The following SGCD variants were observed in gnomAD, a reference collection of about 807,000 sequenced individuals.
The protein encoded by SGCD is delta-sarcoglycan.
Under a neutral mutation model 36.6 loss-of-function variants are expected in SGCD, and 18 were observed. That is an observed-to-expected ratio of 0.49 (90% confidence interval 0.34 to 0.73). The LOEUF is 0.73. Among genes scored for constraint, SGCD ranks in the 30% least tolerant of loss-of-function variants. SGCD has a pLI of 0.01. For missense variants in SGCD, 387 were observed against 346.7 expected (o/e 1.12, Z -0.92); for synonymous variants, 133 against 130.6 (o/e 1.02, Z -0.12).
chr5:156,616,302 G>A (rs770624536), intron 6 of SGCD, among the ~76,000 whole-genome samples: 2 of 152,190 alleles, frequency 1.3e-5, no homozygotes, highest in Non-Finnish European at 2.9e-5. Flanking sequence ...GGATGATATA[G>A]TGTGCTGGTT....
the SGCD span, among the ~76,000 whole-genome samples, chr5:155,864,329 A>G: frequency 6.6e-6 from 1 of 152,134 alleles, no homozygotes; most frequent in Non-Finnish European, 1.5e-5. Flanking sequence ...CCACAAAGAT[A>G]GGGGAATTTT....
chr5:156,163,741 C>T (rs1763140176), intron 3 of SGCD, among the ~76,000 whole-genome samples: 1 of 151,418 alleles, frequency 6.6e-6, no homozygotes, highest in Non-Finnish European at 1.5e-5. Context: ...TCATTTTCGG[C>T]CGGGCGCGGT....
the SGCD span, among the ~76,000 whole-genome samples, chr5:155,796,232 T>G: frequency 4.6e-5 from 7 of 152,172 alleles, no homozygotes; most frequent in African/African-American, 1.7e-4. Flanking sequence ...ACCAAAAGGC[T>G]TCTAGTTTAT....
At chr5:156,242,584 G>A (rs764752925) in intron 3 of SGCD, among the ~76,000 whole-genome samples, 32 of 152,256 alleles carry the variant, frequency 2.1e-4, no homozygotes, top group South Asian at 1.9e-3. Flanking sequence ...TTTCTTTGTG[G>A]GGAAATTAAG....
intron 7 of SGCD, among the ~76,000 whole-genome samples, chr5:156,745,155 C>A (rs1243157670): frequency 6.6e-6 from 1 of 151,990 alleles, no homozygotes; most frequent in Non-Finnish European, 1.5e-5. Flanking sequence ...AAACTGGGAC[C>A]CCCCCAGTTA....
chr5:156,436,039 C>A (rs748500867), intron 3 of SGCD, among the ~76,000 whole-genome samples: 3 of 152,124 alleles, frequency 2.0e-5, no homozygotes, highest in Non-Finnish European at 4.4e-5. Context: ...CCCCTAGCAC[C>A]CAAAGCCTAC....
intron 3 of SGCD, among the ~76,000 whole-genome samples, chr5:156,355,103 C>G (rs1438426907): frequency 1.3e-5 from 2 of 152,232 alleles, no homozygotes; most frequent in African/African-American, 4.8e-5. Context: ...AGAGCAGATA[C>G]AGTTTATTTC....
At chr5:156,724,672 A>C (rs1755684805) in intron 7 of SGCD, among the ~76,000 whole-genome samples, 1 of 152,122 alleles carries the variant, frequency 6.6e-6, no homozygotes, top group African/African-American at 2.4e-5. Flanking sequence ...CTAAAGACTT[A>C]TTATGGTGGT....
intron 3 of SGCD, among the ~76,000 whole-genome samples, chr5:156,438,220 G>C (rs1437923984): frequency 6.6e-6 from 1 of 152,174 alleles, no homozygotes; most frequent in Non-Finnish European, 1.5e-5. Context: ...GCCTCTAAAA[G>C]GAGGTTTGTA....
chr5:156,566,406 T>C (rs1385603916), intron 4 of SGCD, among the ~76,000 whole-genome samples: 1 of 152,174 alleles, frequency 6.6e-6, no homozygotes, highest in East Asian at 1.9e-4. Flanking sequence ...CCCCAGCATG[T>C]CATCAAATCC....
At chr5:156,474,885 A>G (rs1420318387) in intron 3 of SGCD, among the ~76,000 whole-genome samples, 1 of 152,178 alleles carries the variant, frequency 6.6e-6, no homozygotes, top group Non-Finnish European at 1.5e-5. Context: ...TTGGAAATTA[A>G]ATAAACTGCT....
At chr5:156,284,467 A>G (rs556895713) in intron 3 of SGCD, among the ~76,000 whole-genome samples, 1 of 152,324 alleles carries the variant, frequency 6.6e-6, no homozygotes, top group East Asian at 1.9e-4. Context: ...CAAAAAGCTT[A>G]TCCAACATGA....
intron 5 of SGCD, 76 bp from the exon 6 acceptor site, chr5:156,594,856 C>T (rs142204662): frequency 9.2e-5 from 89 of 968,126 alleles, no homozygotes; most frequent in Admixed American, 3.0e-4. Context: ...GTAGTCAAAG[C>T]GATGAGACTA....
At chr5:156,236,103 T>C (rs1765157412) in intron 3 of SGCD, among the ~76,000 whole-genome samples, 2 of 152,200 alleles carry the variant, frequency 1.3e-5, no homozygotes, top group Non-Finnish European at 1.5e-5. Flanking sequence ...AGAAAAGTCT[T>C]ATTTATATTA....
At chr5:156,039,637 T>C (rs889695410) in intron 1 of SGCD, among the ~76,000 whole-genome samples, 2 of 152,196 alleles carry the variant, frequency 1.3e-5, no homozygotes, top group Non-Finnish European at 2.9e-5. Context: ...AAAGCAACAC[T>C]TGGAAATCTA....
intron 3 of SGCD, among the ~76,000 whole-genome samples, chr5:156,217,783 A>G (rs1764610657): frequency 6.6e-6 from 1 of 152,150 alleles, no homozygotes; most frequent in African/African-American, 2.4e-5. Flanking sequence ...AAGAGAGTAG[A>G]TACACAAATA....
At position 156,541,773 on chromosome 5, in the gene SGCD, T is replaced by G. The variant is rs116295476; in HGVS notation, c.294+33071T>G. Among the ~76,000 whole-genome samples the G allele has an allele frequency of 8.7e-3, 1,326 of 152,240 alleles. 8 individuals are homozygous for G. Among genetic ancestry groups the G allele is most frequent in the African/African-American group, 0.03 (1,254 of 41,538 alleles). On this transcript the variant is annotated intron_variant, in intron 4 of 8. Transcript: ENST00000337851. ...AACCCTATAAAGTAAAAATCATGAC[T>G]TGCACATTTTATGTATGCTGCAATG...
In SGCD at chr5:155,885,247, A is replaced by T. The variant is rs989307445; in HGVS notation, c.-282+14823A>T. Among the ~76,000 whole-genome samples the T allele has an allele frequency of 1.5e-4, 17 of 116,240 alleles. 6 individuals are homozygous for T. Among genetic ancestry groups the T allele is most frequent in the African/African-American group, 2.6e-4 (6 of 22,824 alleles). The allele number at this position is 116,240 out of a possible 152,430, so 76.3% of individuals were successfully genotyped here. A position where few individuals can be genotyped will look rare whatever the true frequency, so the allele number is the denominator to read the frequency against. On this transcript the variant is annotated intron_variant, in intron 1 of 9. Coordinates refer to the SGCD transcript ENST00000517913. ...CTGAGAAAGAATACAGAGACAAAGG[A>T]CAGAGTTCCTGCTTTTAATAAGTTC...
chr5:156,650,433 G>A (rs183081447), intron 7 of SGCD, among the ~76,000 whole-genome samples: 287 of 152,110 alleles, frequency 1.9e-3, no homozygotes, highest in Non-Finnish European at 2.3e-3. Flanking sequence ...CGAATGATCC[G>A]TCACCCAGGT....
Sources: allele counts gnomAD v4.1 joint callset (sites outside exome capture counted in the v4.1 genomes callset), GRCh38; gene constraint gnomAD v4.1.1; transcripts MANE v1.5; gene names NCBI Gene and HGNC (gene_info 2026-07-23, HGNC 2026-07-21).